The following MAU2 variants were observed in gnomAD, a reference collection of about 807,000 sequenced individuals.
MAU2 encodes MAU2 chromatid cohesion factor homolog.
A neutral mutation model predicts 89.1 loss-of-function variants in MAU2; 9 were observed. That is an observed-to-expected ratio of 0.10 (90% confidence interval 0.06 to 0.18). The LOEUF is 0.18. MAU2 is among the 10% of genes least tolerant of loss of function. The pLI, the probability that MAU2 is intolerant of heterozygous loss-of-function variation, is 1.00. For synonymous variants in MAU2, 357 were observed against 343.4 expected (o/e 1.04, Z -0.44); for missense variants, 425 against 803.5 (o/e 0.53, Z 5.69).
chr19:19,320,941 G>A lies in MAU2; in HGVS notation c.82G>A (p.Ala28Thr), dbSNP rs1339630721. Residue 28 changes from alanine (A) to threonine (T), a missense_variant, in exon 1 of 19, where the codon GCG becomes ACG. Ala to Thr is a moderately conservative substitution (Grantham distance 58). This residue lies in a region of MAU2 where 61 missense variants were observed against 40.1 expected (regional missense o/e 1.52). Coordinates refer to ENST00000262815, the MANE Select transcript of MAU2 (RefSeq NM_015329.4). ...CGAGGCGGCCGACTCGTGGTACCTG[G>A]CGCTTCTGGGCTTCGCTGAGCACTT... is the stretch of plus-strand genomic sequence containing the variant. Reference protein sequence around the residue: ...QAEAADSWYLALLGFAEHFRT... With the variant: ...QAEAADSWYLTLLGFAEHFRT... 2 of 1,578,302 alleles carry A rather than the reference G, an allele frequency of 1.3e-6. No individual in the cohort carries two copies. The highest frequency in any genetic ancestry group is 1.7e-6 in the Non-Finnish European group (2 of 1,162,836).
At chr19:19,342,942 A>AGGGTCACT in intron 9 of MAU2, 76 bp downstream of exon 9, 1 of 1,495,614 alleles carries the variant, frequency 6.7e-7, no homozygotes, top group Non-Finnish European at 9.2e-7. Flanking sequence ...TAGCTGTACC[A>AGGGTCACT]GGGCCCAGTG....
In MAU2 at chr19:19,321,018, C is replaced by T. The variant is rs770200334; in HGVS notation, c.159C>T (p.Ala53=). 9 of 1,612,210 alleles carry T rather than the reference C, an allele frequency of 5.6e-6. No homozygotes were observed. The East Asian group carries it at 1.6e-4, about 28-fold the overall frequency. The change falls in exon 1 of 19, where the codon GCC becomes GCT. Residue 53 remains alanine (A), a synonymous_variant. Coordinates refer to ENST00000262815, the MANE Select transcript of MAU2 (RefSeq NM_015329.4). The stretch of plus-strand genomic sequence containing the variant: ...GCCTGTGCGTGCACTGCCTGCAGGC[C>T]GTGTTCCCCTTCAAGCCGCCGCAGC... ...KIRLCVHCLQ[A]VFPFKPPQRI...
intron 1 of MAU2, among the ~76,000 whole-genome samples, chr19:19,324,654 C>A (rs932381433): frequency 6.6e-6 from 1 of 152,204 alleles, no homozygotes; most frequent in Non-Finnish European, 1.5e-5. Flanking sequence ...ATAATTTAAA[C>A]CCTTCTCCTT....
intron 7 of MAU2, 37 bp downstream of exon 7, chr19:19,341,444 C>T: frequency 6.2e-7 from 1 of 1,609,842 alleles, no homozygotes; most frequent in Non-Finnish European, 8.5e-7. Flanking sequence ...CTGGTTGTGA[C>T]CAGTGGGTAT....
At chr19:19,344,575 G>A (rs2146693878) in intron 10 of MAU2, 2 of 543,518 alleles carry the variant, frequency 3.7e-6, no homozygotes, top group Non-Finnish European at 6.6e-6. Flanking sequence ...CCTCCTGAGA[G>A]GGCATGGGGG....
chr19:19,326,090 C>G (rs532951277), intron 1 of MAU2, among the ~76,000 whole-genome samples: 2 of 150,940 alleles, frequency 1.3e-5, no homozygotes, highest in Non-Finnish European at 2.9e-5. Flanking sequence ...AACCTCCGCC[C>G]TCCGGGTTCA....
chr19:19,323,853 A>C (rs1237858819), intron 1 of MAU2, among the ~76,000 whole-genome samples: 1 of 152,196 alleles, frequency 6.6e-6, no homozygotes, highest in South Asian at 2.1e-4. Context: ...GGGCCCAGAG[A>C]GGTAAAGTGA....
intron 1 of MAU2, among the ~76,000 whole-genome samples, chr19:19,330,921 A>T (rs187511379): frequency 3.0e-4 from 45 of 152,122 alleles, no homozygotes; most frequent in Admixed American, 7.9e-4. Context: ...CCTTTTTTTT[A>T]AAAGTTACTT....
In MAU2 at chr19:19,356,223, C is replaced by G. The variant is rs962621349; in HGVS notation, c.*441C>G. On this transcript the variant is annotated 3_prime_UTR_variant, in exon 19 of 19. Coordinates refer to ENST00000262815, the MANE Select transcript of MAU2 (RefSeq NM_015329.4). ...GTGTTTCCTCTGCTCAAGGCAATTT[C>G]CAGAGCCCGGATGCCAGTTTCTGGC... 5.6e-6 allele frequency: 2 copies of G among 358,852 alleles called. No homozygotes were observed. Among genetic ancestry groups the G allele is most frequent in the Non-Finnish European group, 1.1e-5 (2 of 180,566 alleles). 22.2% of individuals were successfully genotyped at this position (358,852 alleles called of 1,614,324 possible). A position where few individuals can be genotyped will look rare whatever the true frequency, so the allele number is the denominator to read the frequency against.
At chr19:19,321,234 G>C in intron 1 of MAU2, 99 bp downstream of exon 1, 3 of 1,332,760 alleles carry the variant, frequency 2.3e-6, no homozygotes, top group African/African-American at 1.5e-5. Context: ...GCTCCTCGGC[G>C]ACCTGGGGGC....
chr19:19,326,227 A>T (rs1428716043), intron 1 of MAU2, among the ~76,000 whole-genome samples: 1 of 151,964 alleles, frequency 6.6e-6, no homozygotes, highest in East Asian at 1.9e-4. Flanking sequence ...TACTTCATCA[A>T]GTCAACTAAC....
chr19:19,346,152 C>G (rs2061691460), intron 12 of MAU2, among the ~76,000 whole-genome samples: 2 of 152,148 alleles, frequency 1.3e-5, no homozygotes, highest in South Asian at 4.1e-4. Context: ...CGCCACTGGC[C>G]TCAGAGATGC....
chr19:19,354,995 C>T, intron 17 of MAU2: 2 of 430,048 alleles, frequency 4.7e-6, no homozygotes, highest in Non-Finnish European at 8.6e-6. Flanking sequence ...GCCTGTTTGC[C>T]TGAGGGCTGG....
At chr19:19,354,079 C>T (rs2061765133) in intron 16 of MAU2, 2 of 496,546 alleles carry the variant, frequency 4.0e-6, no homozygotes, top group Admixed American at 3.2e-5. Context: ...TTTTTCTCTG[C>T]TTGAACAGGT....
intron 1 of MAU2, among the ~76,000 whole-genome samples, chr19:19,328,764 C>G (rs1277512184): frequency 6.6e-6 from 1 of 152,190 alleles, no homozygotes; most frequent in Non-Finnish European, 1.5e-5. Context: ...CCTTTTATCC[C>G]TTGGCCTGGG....
intron 5 of MAU2, among the ~76,000 whole-genome samples, chr19:19,339,468 A>G (rs1170687456): frequency 1.3e-5 from 2 of 151,242 alleles, no homozygotes; most frequent in African/African-American, 2.4e-5. Flanking sequence ...ATTAGTCACC[A>G]TGAGGCGCGG....
At chr19:19,350,843 T>C (rs1261479829) in intron 16 of MAU2, among the ~76,000 whole-genome samples, 1 of 147,804 alleles carries the variant, frequency 6.8e-6, no homozygotes, top group Non-Finnish European at 1.5e-5. Context: ...GAGCTTGCAG[T>C]GAGCCGAGAT....
Position 19,355,385 on chromosome 19 carries a change from C to A in MAU2, c.1761C>A (p.Leu587=). 1 of 1,613,962 alleles carries A rather than the reference C, an allele frequency of 6.2e-7. No homozygotes were observed. Among genetic ancestry groups the A allele is most frequent in the Non-Finnish European group, 8.5e-7 (1 of 1,179,970 alleles). Residue 587 remains leucine, a synonymous_variant, in exon 18 of 19, where the codon CTC becomes CTA. Transcript: ENST00000262815. Reference sequence around the variant, plus strand: ...CCTGCAGCCTCCCCGAACACAACCTCATCACGGTACGGGTGTGGGTGTTAG... The same window carrying A: ...CCTGCAGCCTCCCCGAACACAACCTAATCACGGTACGGGTGTGGGTGTTAG... ...IEACSLPEHN[L]ITWTDGPPPV... is the part of the protein sequence containing the mutation.
intron 5 of MAU2, among the ~76,000 whole-genome samples, chr19:19,340,248 G>A (rs1279295980): frequency 1.3e-5 from 2 of 151,736 alleles, no homozygotes; most frequent in Admixed American, 6.6e-5. Flanking sequence ...CAGGAGAATC[G>A]CTTGAACCCG....
Sources: gnomAD v4.1 joint callset for allele counts (sites outside exome capture counted in the v4.1 genomes callset) on GRCh38, gnomAD v4.1.1 for gene constraint, gnomAD v4.1.1 regional missense constraint, MANE v1.5 for transcripts, NCBI Gene and HGNC (gene_info 2026-07-23, HGNC 2026-07-21) for gene names.